The following IL20RB variants were observed in gnomAD, a reference collection of about 807,000 sequenced individuals.
IL20RB encodes the protein interleukin-20 receptor subunit beta.
Under a neutral mutation model 33.3 loss-of-function variants are expected in IL20RB, and 21 were observed. That is an observed-to-expected ratio of 0.63 (90% CI 0.45 to 0.91). The LOEUF (loss-of-function observed/expected upper bound fraction) is 0.91. IL20RB is among the 40% of genes least tolerant of loss of function. The pLI, the probability that IL20RB is intolerant of heterozygous loss-of-function variation, is 0.00. For synonymous variants in IL20RB, 147 were observed against 146.8 expected, an observed-to-expected ratio of 1.00 and a Z score of -0.01; for missense variants, 345 against 384.8, an observed-to-expected ratio of 0.90 and a Z score of 0.86.
At chr3:136,997,194 G>A (rs1459206906) in intron 6 of IL20RB, among the ~76,000 whole-genome samples, 1 of 151,910 alleles carries the variant, frequency 6.6e-6, no homozygotes, top group African/African-American at 2.4e-5. Flanking sequence ...CGCCTTCTGA[G>A]TTCAAGCAAT....
At chr3:136,983,614 T>G (rs1039090451) in intron 3 of IL20RB, among the ~76,000 whole-genome samples, 1 of 152,138 alleles carries the variant, frequency 6.6e-6, no homozygotes, top group Admixed American at 6.5e-5. Context: ...AAGGGAGAGA[T>G]AATGATAGTA....
At chr3:136,960,498 A>AGTGT (rs1941190045) in intron 1 of IL20RB, among the ~76,000 whole-genome samples, 1 of 152,188 alleles carries the variant, frequency 6.6e-6, no homozygotes, top group Admixed American at 6.5e-5. Flanking sequence ...CCCAAATAAT[A>AGTGT]GTGTGTGATT....
intron 6 of IL20RB, among the ~76,000 whole-genome samples, chr3:137,002,021 G>A (rs1241870963): frequency 2.6e-5 from 4 of 152,120 alleles, no homozygotes; most frequent in Non-Finnish European, 4.4e-5. Context: ...GAGAACATGC[G>A]GTGTTTGGTT....
At chr3:136,995,706 C>A in intron 6 of IL20RB, 150 bp downstream of exon 6, 1 of 788,236 alleles carries the variant, frequency 1.3e-6, no homozygotes, top group Admixed American at 2.6e-5. Flanking sequence ...TAAAATACTT[C>A]ATTTCTAACT....
intron 3 of IL20RB, 72 bp from the exon 4 acceptor site, chr3:136,989,369 C>A: frequency 6.3e-7 from 1 of 1,575,584 alleles, no homozygotes; most frequent in Non-Finnish European, 8.7e-7. Flanking sequence ...CATACATGAC[C>A]CGGTCATTGT....
chr3:136,958,160 T>TCATGTGGTTTTTCTATGCATTGATTC lies in IL20RB; in HGVS notation c.62_63insTGCATTGATTCCATGTGGTTTTTCTA (p.Leu27GlyfsTer6). ...CTAGAAGAAATCTGGACAAGTCTTT[T>TCATGTGGTTTTTCTATGCATTGATTC]CATGTGGTTTTTCTACGCATTGATT... On this transcript the variant is annotated frameshift_variant, in exon 1 of 7. Transcript: ENST00000329582. LOFTEE classifies it high-confidence loss of function. 6.2e-7 allele frequency: 1 copy of TCATGTGGTTTTTCTATGCATTGATTC among 1,612,328 alleles called. No individual in the cohort carries two copies. Among genetic ancestry groups the TCATGTGGTTTTTCTATGCATTGATTC allele is most frequent in the Non-Finnish European group, 8.5e-7 (1 of 1,178,384 alleles).
chr3:136,997,300 G>T (rs1034026742), intron 6 of IL20RB, among the ~76,000 whole-genome samples: 2 of 152,000 alleles, frequency 1.3e-5, no homozygotes, highest in African/African-American at 4.8e-5. Flanking sequence ...CACCATGTTG[G>T]CCAGGCTGGT....
At chr3:137,005,593 C>G (rs946914098) in intron 6 of IL20RB, among the ~76,000 whole-genome samples, 16 of 151,982 alleles carry the variant, frequency 1.1e-4, no homozygotes, top group Middle Eastern at 3.4e-3. Flanking sequence ...GCAACCCCTG[C>G]TTTTTTTTCG....
chr3:137,001,028 G>A (rs1335296267), intron 6 of IL20RB, among the ~76,000 whole-genome samples: 2 of 152,104 alleles, frequency 1.3e-5, no homozygotes, highest in Non-Finnish European at 2.9e-5. Flanking sequence ...TAACTTACAG[G>A]ATTTCAGGTA....
chr3:136,958,929 C>CTCTCTG lies in IL20RB; in HGVS notation c.88+731_88+732insCTGTCT, dbSNP rs1264119203. On this transcript the variant is annotated intron_variant, in intron 1 of 6. Coordinates refer to ENST00000329582, the MANE Select transcript of IL20RB (RefSeq NM_144717.4). ...GAGTACTTTCTCTCTCTCTCTCTCT[C>CTCTCTG]TCTGTCTCTCTGTCTCACTCTCTGT... Among the ~76,000 whole-genome samples the CTCTCTG allele has an allele frequency of 3.5e-5, 5 of 140,882 alleles. No homozygotes were observed. In the Admixed American group the frequency reaches 3.8e-4, roughly 11 times the overall value. 92.4% of individuals were successfully genotyped at this position (140,882 alleles called of 152,430 possible).
chr3:136,984,465 A>G (rs1941855060), intron 3 of IL20RB, among the ~76,000 whole-genome samples: 2 of 152,056 alleles, frequency 1.3e-5, no homozygotes, highest in Admixed American at 6.6e-5. Flanking sequence ...GAAAGGCAAG[A>G]TAAGGGTCTT....
intron 6 of IL20RB, among the ~76,000 whole-genome samples, chr3:137,000,055 A>AT (rs1344923049): frequency 6.6e-6 from 1 of 152,046 alleles, no homozygotes; most frequent in Non-Finnish European, 1.5e-5. Context: ...ATGTCTAGTG[A>AT]TTTTGGATTA....
chr3:137,000,493 C>T (rs148808489), intron 6 of IL20RB, among the ~76,000 whole-genome samples: 8 of 152,338 alleles, frequency 5.3e-5, no homozygotes, highest in African/African-American at 1.7e-4. Context: ...AAATGGGAAA[C>T]TCACCCAGTG....
chr3:136,996,965 A>G (rs1325301717), intron 6 of IL20RB, among the ~76,000 whole-genome samples: 9 of 152,106 alleles, frequency 5.9e-5, no homozygotes, highest in Admixed American at 5.9e-4. Flanking sequence ...TGTTTTATAT[A>G]TATCAATTAG....
Position 136,992,003 on chromosome 3 carries a change from T to C in IL20RB, c.597T>C (p.Ala199=), listed in dbSNP as rs1942042457. 1 of 1,614,218 alleles carries C rather than the reference T, an allele frequency of 6.2e-7. No homozygotes were observed. Among genetic ancestry groups the C allele is most frequent in the South Asian group, 1.1e-5 (1 of 91,084 alleles). ...ACCTAGAAACCATGGAGCCAGGGGCTGCATACTGTGTGAAGGCCCAGACAT... is the reference window on the plus strand; with the variant it reads ...ACCTAGAAACCATGGAGCCAGGGGCCGCATACTGTGTGAAGGCCCAGACAT... ...PVHLETMEPG[A]AYCVKAQTFV... Residue 199 remains alanine (A), a synonymous_variant, in exon 5 of 7, where the codon GCT becomes GCC. Transcript: ENST00000329582.
In IL20RB at chr3:136,968,781, T is replaced by TA. The variant is rs1361549577; in HGVS notation, c.88+10581dup. Among the ~76,000 whole-genome samples, 6 of 21,322 alleles carry TA rather than the reference T, an allele frequency of 2.8e-4. 2 individuals carry two copies. Among genetic ancestry groups the TA allele is most frequent in the Non-Finnish European group, 4.6e-4 (6 of 13,172 alleles). 14.0% of individuals were successfully genotyped at this position (21,322 alleles called of 152,430 possible). A position where few individuals can be genotyped will look rare whatever the true frequency, so the allele number is the denominator to read the frequency against. On this transcript the variant is annotated intron_variant, in intron 1 of 6. Transcript: ENST00000329582. ...GGAGGAGGAGAGGCGCTCTGTGTTT[T>TA]AGAGTTTCCAGTTTTTCTGTTCTGT...
At chr3:136,970,800 G>A (rs973971516) in intron 1 of IL20RB, among the ~76,000 whole-genome samples, 2 of 151,892 alleles carry the variant, frequency 1.3e-5, no homozygotes, top group Non-Finnish European at 2.9e-5. Context: ...CTACAGGCGT[G>A]TGCCACCACA....
chr3:136,991,896 C>T, intron 4 of IL20RB, 42 bp from the exon 5 acceptor site: 1 of 1,602,008 alleles, frequency 6.2e-7, no homozygotes, highest in East Asian at 2.2e-5. Flanking sequence ...AGGCGTGAGC[C>T]ACCGCACTTG....
intron 3 of IL20RB, among the ~76,000 whole-genome samples, chr3:136,985,380 C>T (rs889768900): frequency 2.0e-5 from 3 of 150,296 alleles, no homozygotes; most frequent in African/African-American, 7.4e-5. Context: ...TCTTGTTGCC[C>T]AGGCTGGAGT....
Sources: allele counts gnomAD v4.1 joint callset (sites outside exome capture counted in the v4.1 genomes callset), GRCh38; gene constraint gnomAD v4.1.1; transcripts MANE v1.5; gene names NCBI Gene and HGNC (gene_info 2026-07-23, HGNC 2026-07-21).